Variants in TAFA5 observed in about 807,000 individuals in gnomAD.
TAFA5 encodes the protein TAFA chemokine like family member 5.
In TAFA5, 6 loss-of-function variants were observed where a neutral mutation model predicts 15.3. The ratio of observed to expected loss-of-function variants is 0.39; its 90% confidence interval spans 0.21 to 0.77. The LOEUF (loss-of-function observed/expected upper bound fraction) is 0.77. Among genes scored for constraint, TAFA5 ranks in the 30% least tolerant of loss-of-function variants. The pLI, the probability that TAFA5 is intolerant of heterozygous loss-of-function variation, is 0.41. For synonymous variants in TAFA5, 103 were observed against 80.7 expected (o/e 1.28, Z -1.48); for missense variants, 161 against 193.1 (o/e 0.83, Z 0.98).
intron 2 of TAFA5, among the ~76,000 whole-genome samples, chr22:48,653,240 C>T (rs116175655): frequency 0.019 from 2,924 of 152,334 alleles, 47 homozygotes; most frequent in Middle Eastern, 0.037. Context: ...TGCCTGGATC[C>T]AGATGGGGTT....
At chr22:48,513,467 C>A (rs568987092) in intron 1 of TAFA5, among the ~76,000 whole-genome samples, 6 of 152,304 alleles carry the variant, frequency 3.9e-5, no homozygotes, top group Admixed American at 2.0e-4. Context: ...AGAGCCCCCC[C>A]AATAGAAGGA....
chr22:48,702,699 G>T (rs1027320968), intron 2 of TAFA5, among the ~76,000 whole-genome samples: 1 of 152,212 alleles, frequency 6.6e-6, no homozygotes, highest in African/African-American at 2.4e-5. Context: ...TGGGCACGCC[G>T]CTTCCCTTCC....
intron 1 of TAFA5, chr22:48,576,581 C>T: frequency 6.9e-7 from 1 of 1,451,592 alleles, no homozygotes; most frequent in Non-Finnish European, 9.2e-7. Context: ...GGTAATTGTC[C>T]CCGGGCGCGC....
At chr22:48,693,250 A>T (rs536125175) in intron 2 of TAFA5, 270 of 1,544,910 alleles carry the variant, frequency 1.7e-4, no homozygotes, top group Non-Finnish European at 1.8e-4. Flanking sequence ...GTCCAGAGCC[A>T]TGAAAATGCT....
At chr22:48,517,372 T>G (rs4823797) in intron 1 of TAFA5, among the ~76,000 whole-genome samples, 10 of 151,702 alleles carry the variant, frequency 6.6e-5, no homozygotes, top group Non-Finnish European at 1.3e-4. Context: ...TCCTGGCCAC[T>G]GGGACGGCTG....
At chr22:48,634,120 G>GCTCACTCACTCACTCGCTCACTCA (rs1926348428) in intron 1 of TAFA5, among the ~76,000 whole-genome samples, 1 of 150,742 alleles carries the variant, frequency 6.6e-6, no homozygotes, top group African/African-American at 2.4e-5. Flanking sequence ...TCACTCACTC[G>GCTCACTCACTCACTCGCTCACTCA]CTCACTCACT....
chr22:48,592,523 G>A (rs547458583), intron 1 of TAFA5, among the ~76,000 whole-genome samples: 1 of 152,334 alleles, frequency 6.6e-6, no homozygotes, highest in Admixed American at 6.5e-5. Flanking sequence ...CCCTCCTGCT[G>A]TCCCAGCCTC....
Position 48,500,471 on chromosome 22 carries a change from C to T in TAFA5, c.112+10767C>T, listed in dbSNP as rs117277114. Among the ~76,000 whole-genome samples, 449 of 152,350 alleles carry T rather than the reference C, an allele frequency of 2.9e-3. 1 individual carries two copies. The highest frequency in any genetic ancestry group is 5.0e-3 in the Admixed American group (77 of 15,310). ...GTGGAGCAAAGTGAGCTTGCACAGACGGGTGACCAGGTGTCCCTGAGCACA... is the reference window on the plus strand; with the variant it reads ...GTGGAGCAAAGTGAGCTTGCACAGATGGGTGACCAGGTGTCCCTGAGCACA... On this transcript the variant is annotated intron_variant, in intron 1 of 3. Coordinates refer to ENST00000402357, the MANE Select transcript of TAFA5 (RefSeq NM_001082967.3).
intron 1 of TAFA5, among the ~76,000 whole-genome samples, chr22:48,542,480 G>GT (rs1922457921): frequency 1.0e-5 from 1 of 98,806 alleles, no homozygotes; most frequent in Admixed American, 1.2e-4. Context: ...ATGTGTGTGT[G>GT]GTGTGTGTGT....
At chr22:48,496,781 G>T (rs1331516642) in intron 1 of TAFA5, among the ~76,000 whole-genome samples, 2 of 152,172 alleles carry the variant, frequency 1.3e-5, no homozygotes, top group Non-Finnish European at 1.5e-5. Context: ...GTTTCCTGGG[G>T]GTTAACGGCG....
intron 1 of TAFA5, among the ~76,000 whole-genome samples, chr22:48,524,761 C>A (rs1921722740): frequency 1.3e-5 from 2 of 152,148 alleles, no homozygotes; most frequent in Admixed American, 6.5e-5. Flanking sequence ...GGTGGGCGGC[C>A]AGACGAGGGG....
intron 1 of TAFA5, among the ~76,000 whole-genome samples, chr22:48,561,882 G>A (rs1923242675): frequency 1.3e-5 from 2 of 152,232 alleles, no homozygotes; most frequent in South Asian, 2.1e-4. Flanking sequence ...GCACAGTGAC[G>A]CGGGATCAGA....
Position 48,590,429 on chromosome 22 carries a change from T to G in TAFA5, c.113-56168T>G, listed in dbSNP as rs778698214. On this transcript the variant is annotated intron_variant, in intron 1 of 3. Transcript: ENST00000402357. ...TCTATTTATGGCAAAGGCGCTGGCT[T>G]TCCATTCACGGGCTGATGGGAGGTT... 7.3e-4 allele frequency among the ~76,000 whole-genome samples: 111 copies of G among 152,332 alleles called. 1 individual carries two copies. The highest frequency in any genetic ancestry group is 6.2e-4 in the Non-Finnish European group (42 of 68,028).
chr22:48,672,064 T>C (rs375151960), intron 2 of TAFA5, among the ~76,000 whole-genome samples: 1 of 152,328 alleles, frequency 6.6e-6, no homozygotes, highest in Admixed American at 6.5e-5. Flanking sequence ...ATGATTTCTG[T>C]AAGTGATTGA....
chr22:48,569,622 G>T (rs535216913), intron 1 of TAFA5, among the ~76,000 whole-genome samples: 1 of 152,204 alleles, frequency 6.6e-6, no homozygotes, highest in Admixed American at 6.5e-5. Flanking sequence ...GCCACTGTGC[G>T]TTGCCATGGG....
At chr22:48,617,088 G>T (rs1232763993) in intron 1 of TAFA5, among the ~76,000 whole-genome samples, 1 of 152,172 alleles carries the variant, frequency 6.6e-6, no homozygotes, top group Non-Finnish European at 1.5e-5. Context: ...CTCCCCAAAA[G>T]ATGTCCGGGT....
chr22:48,679,038 G>T (rs1928079884), intron 2 of TAFA5, among the ~76,000 whole-genome samples: 2 of 66,124 alleles, frequency 3.0e-5, no homozygotes, highest in Non-Finnish European at 5.5e-5. Context: ...CCCTCTCCTG[G>T]CTCCCCAGCT....
intron 1 of TAFA5, among the ~76,000 whole-genome samples, chr22:48,615,314 G>A (rs530482359): frequency 9.8e-5 from 15 of 152,304 alleles, no homozygotes; most frequent in East Asian, 5.8e-4. Flanking sequence ...GGCAGCCGGC[G>A]GCTCGGTCCG....
intron 1 of TAFA5, among the ~76,000 whole-genome samples, chr22:48,613,957 G>A (rs532424632): frequency 1.1e-4 from 16 of 152,292 alleles, no homozygotes; most frequent in Admixed American, 2.0e-4. Flanking sequence ...CACCACCCCC[G>A]GCTCGCGGCC....
Sources: allele counts gnomAD v4.1 joint callset (sites outside exome capture counted in the v4.1 genomes callset), GRCh38; gene constraint gnomAD v4.1.1; transcripts MANE v1.5; gene names NCBI Gene and HGNC (gene_info 2026-07-23, HGNC 2026-07-21).